Variants in KCNIP4 observed in about 807,000 individuals in gnomAD.
KCNIP4 encodes the protein potassium voltage-gated channel interacting protein 4.
KCNIP4 carries 12 observed loss-of-function variants against 34.0 expected under a neutral mutation model. The ratio of observed to expected loss-of-function variants is 0.35; its 90% CI spans 0.23 to 0.57. The LOEUF (loss-of-function observed/expected upper bound fraction) is 0.57. Ranked by LOEUF, KCNIP4 falls within the 20% of genes least tolerant of loss-of-function variation. The pLI, the probability that KCNIP4 is intolerant of heterozygous loss-of-function variation, is 0.83. For missense variants in KCNIP4, 238 were observed against 311.7 expected, an observed-to-expected ratio of 0.76 and a Z score of 1.78; for synonymous variants, 124 against 102.2, an observed-to-expected ratio of 1.21 and a Z score of -1.29.
intron 1 of KCNIP4, among the ~76,000 whole-genome samples, chr4:21,059,265 G>A (rs899992665): frequency 6.6e-6 from 1 of 152,144 alleles, no homozygotes; most frequent in Non-Finnish European, 1.5e-5. Flanking sequence ...TTTCCTCTGA[G>A]CAATTGTACT....
At chr4:21,123,169 G>A (rs370538206) in intron 1 of KCNIP4, among the ~76,000 whole-genome samples, 12 of 151,828 alleles carry the variant, frequency 7.9e-5, no homozygotes, top group East Asian at 1.9e-4. Flanking sequence ...AGCCAAGATC[G>A]TGCCACTGCA....
At chr4:21,903,328 T>A (rs2108970879) in intron 1 of KCNIP4, among the ~76,000 whole-genome samples, 1 of 152,220 alleles carries the variant, frequency 6.6e-6, no homozygotes. Context: ...GAATGATAAA[T>A]AACAAATAAC....
chr4:21,885,515 C>T (rs954971612), intron 1 of KCNIP4, among the ~76,000 whole-genome samples: 8 of 152,016 alleles, frequency 5.3e-5, no homozygotes, highest in African/African-American at 1.9e-4. Flanking sequence ...AATCACTTTC[C>T]CACCAACTTC....
chr4:21,140,692 T>C (rs1751882227), intron 1 of KCNIP4, among the ~76,000 whole-genome samples: 1 of 152,170 alleles, frequency 6.6e-6, no homozygotes, highest in Admixed American at 6.5e-5. Context: ...GATCTGACCC[T>C]CATCCAGTTT....
chr4:21,071,226 G>A (rs1028435839), intron 1 of KCNIP4, among the ~76,000 whole-genome samples: 12 of 152,074 alleles, frequency 7.9e-5, no homozygotes, highest in African/African-American at 2.4e-4. Context: ...ATAGCATTAC[G>A]TTTTACATTT....
chr4:20,984,329 G>T (rs1255452380), intron 1 of KCNIP4, among the ~76,000 whole-genome samples: 1 of 152,218 alleles, frequency 6.6e-6, no homozygotes, highest in Non-Finnish European at 1.5e-5. Context: ...CGCTTCCCTC[G>T]CTGAGGACGC....
chr4:21,645,656 C>T (rs1577747740), intron 1 of KCNIP4, among the ~76,000 whole-genome samples: 1 of 152,170 alleles, frequency 6.6e-6, no homozygotes, highest in East Asian at 1.9e-4. Context: ...CTCATATCTG[C>T]CTATCTCTGT....
At chr4:21,068,397 A>G (rs1419077728) in intron 1 of KCNIP4, among the ~76,000 whole-genome samples, 1 of 152,150 alleles carries the variant, frequency 6.6e-6, no homozygotes, top group South Asian at 2.1e-4. Context: ...ACTTCCCATA[A>G]TAATGAGCAT....
At chr4:21,346,710 T>C (rs1174251607) in intron 1 of KCNIP4, among the ~76,000 whole-genome samples, 1 of 152,136 alleles carries the variant, frequency 6.6e-6, no homozygotes, top group Admixed American at 6.6e-5. Flanking sequence ...TGTTAAAACA[T>C]GGATTCTGAT....
At chr4:21,139,634 C>A (rs1269484100) in intron 1 of KCNIP4, among the ~76,000 whole-genome samples, 2 of 152,148 alleles carry the variant, frequency 1.3e-5, no homozygotes, top group African/African-American at 4.8e-5. Flanking sequence ...TCAGGACAAC[C>A]CTAAAGGAAC....
chr4:21,112,747 G>C (rs1446743351), intron 1 of KCNIP4, among the ~76,000 whole-genome samples: 1 of 152,268 alleles, frequency 6.6e-6, no homozygotes, highest in African/African-American at 2.4e-5. Context: ...AGCCTACCAG[G>C]CCCCTAAATA....
chr4:21,182,054 T>C (rs1013374234), intron 1 of KCNIP4, among the ~76,000 whole-genome samples: 2 of 152,116 alleles, frequency 1.3e-5, no homozygotes, highest in Non-Finnish European at 2.9e-5. Flanking sequence ...GCTTCACTGA[T>C]ATTGGATGTT....
At chr4:21,755,098 C>T (rs186987538) in intron 1 of KCNIP4, among the ~76,000 whole-genome samples, 32 of 152,210 alleles carry the variant, frequency 2.1e-4, no homozygotes, top group Non-Finnish European at 2.9e-5. Flanking sequence ...TAGCAGATGG[C>T]GCCACTTCAC....
chr4:20,771,211 A>G (rs1341128267), intron 3 of KCNIP4, among the ~76,000 whole-genome samples: 2 of 152,140 alleles, frequency 1.3e-5, no homozygotes, highest in Non-Finnish European at 2.9e-5. Context: ...GTTCATATAT[A>G]TATACATGGT....
At chr4:21,194,536 T>G (rs1340591662) in intron 1 of KCNIP4, among the ~76,000 whole-genome samples, 1 of 152,218 alleles carries the variant, frequency 6.6e-6, no homozygotes, top group Non-Finnish European at 1.5e-5. Flanking sequence ...TCTCCTAACT[T>G]CGAATTATTT....
chr4:20,801,288 CAA>C (rs34342812), intron 3 of KCNIP4, among the ~76,000 whole-genome samples: 3 of 106,430 alleles, frequency 2.8e-5, no homozygotes, highest in Non-Finnish European at 2.1e-5. Context: ...GGAAGTTTTT[CAA>C]AAAAAAAAAA....
At chr4:21,499,405 A>G (rs977964017) in intron 1 of KCNIP4, among the ~76,000 whole-genome samples, 1 of 151,896 alleles carries the variant, frequency 6.6e-6, no homozygotes, top group Admixed American at 6.6e-5. Context: ...TTTATTTCAA[A>G]GCTTGAACAA....
chr4:20,916,985 T>A (rs1296021871), intron 1 of KCNIP4, among the ~76,000 whole-genome samples: 2 of 41,380 alleles, frequency 4.8e-5, no homozygotes, highest in Admixed American at 5.6e-4. Flanking sequence ...CATCTTATGT[T>A]TATATATATA....
rs868595231 is a variant in KCNIP4, at chr4:21,304,075, G to C, written c.62-421366C>G. On this transcript the variant is annotated intron_variant, in intron 1 of 8. Transcript: ENST00000382152. ...AGAGAGAGAGAGAGAGAGACAGAGA[G>C]AGAGAGAGAGACAGAGAGAGAGAGA... 485 of 284,232 alleles carry C rather than the reference G, an allele frequency of 1.7e-3. 2 individuals are homozygous for C. Among genetic ancestry groups the C allele is most frequent in the Admixed American group, 5.7e-3 (51 of 9,022 alleles). The allele number at this position is 284,232 out of a possible 1,614,324, so 17.6% of individuals were successfully genotyped here. A position where few individuals can be genotyped will look rare whatever the true frequency, so the allele number is the denominator to read the frequency against.
Sources: gnomAD v4.1 joint callset for allele counts (sites outside exome capture counted in the v4.1 genomes callset) on GRCh38, gnomAD v4.1.1 for gene constraint, MANE v1.5 for transcripts, NCBI Gene and HGNC (gene_info 2026-07-23, HGNC 2026-07-21) for gene names.